The following E2F6 variants were observed in gnomAD, a reference collection of about 807,000 sequenced individuals.
E2F6 encodes E2F transcription factor 6.
In E2F6, 19 loss-of-function variants were observed where a neutral mutation model predicts 31.5. That is an observed-to-expected ratio of 0.60 (90% confidence interval 0.42 to 0.89). E2F6 has a LOEUF of 0.89. Among genes scored for constraint, E2F6 ranks in the 40% least tolerant of loss-of-function variants. E2F6 has a pLI of 0.00. For synonymous variants in E2F6, 121 were observed against 127.7 expected, an observed-to-expected ratio of 0.95 and a Z score of 0.36; for missense variants, 269 against 341.6, an observed-to-expected ratio of 0.79 and a Z score of 1.67.
chr2:11,465,202 A>G (rs986241660), intron 1 of E2F6, among the ~76,000 whole-genome samples: 15 of 151,548 alleles, frequency 9.9e-5, no homozygotes, highest in Non-Finnish European at 1.8e-4. Context: ...AAAAAGAAAA[A>G]AAAGAAAGAA....
chr2:11,455,291 A>G, intron 2 of E2F6: 1 of 1,035,774 alleles, frequency 9.7e-7, no homozygotes, highest in Non-Finnish European at 1.2e-6. Context: ...CTTTTTCTCT[A>G]CTTCCACAGC....
Position 11,465,894 on chromosome 2 carries a change from C to T in E2F6, c.-15G>A. 6.5e-7 allele frequency: 1 copy of T among 1,532,472 alleles called. No individual in the cohort carries two copies. The highest frequency in any genetic ancestry group is 8.8e-7 in the Non-Finnish European group (1 of 1,137,580). 94.9% of individuals were successfully genotyped at this position (1,532,472 alleles called of 1,614,324 possible). A position where few individuals can be genotyped will look rare whatever the true frequency, so the allele number is the denominator to read the frequency against. On this transcript the variant is annotated 5_prime_UTR_variant, in exon 1 of 7. Coordinates refer to ENST00000381525, the MANE Select transcript of E2F6 (RefSeq NM_198256.4). ...TGCTGACTCATGCTGCCCGGCCGGG[C>T]GTCCTGCTCCCCTCGCACCCCACGA...
At chr2:11,455,571 G>A (rs1021017567) in intron 2 of E2F6, 3 of 748,406 alleles carry the variant, frequency 4.0e-6, no homozygotes, top group African/African-American at 3.7e-5. Flanking sequence ...GATTACAAAT[G>A]AGAAATTCTA....
chr2:11,454,857 T>C (rs564213284), intron 2 of E2F6, among the ~76,000 whole-genome samples: 1 of 152,276 alleles, frequency 6.6e-6, no homozygotes, highest in South Asian at 2.1e-4. Flanking sequence ...TGCAACACGT[T>C]CTTTTAACTC....
chr2:11,461,923 T>C (rs915435896), intron 1 of E2F6, among the ~76,000 whole-genome samples: 6 of 152,242 alleles, frequency 3.9e-5, no homozygotes, highest in African/African-American at 1.2e-4. Context: ...ATATCACATA[T>C]AGCGTCACTA....
chr2:11,455,865 T>A (rs969621224), intron 2 of E2F6, among the ~76,000 whole-genome samples: 1 of 152,060 alleles, frequency 6.6e-6, no homozygotes, highest in Non-Finnish European at 1.5e-5. Context: ...AGGGGGAAAC[T>A]GGGAAGGCCT....
At chr2:11,459,911 G>A (rs1270496662) in intron 1 of E2F6, among the ~76,000 whole-genome samples, 2 of 152,060 alleles carry the variant, frequency 1.3e-5, no homozygotes, top group Non-Finnish European at 2.9e-5. Context: ...TAAATAGGCA[G>A]ATTGTTTGCA....
chr2:11,459,270 C>T (rs1671610767), intron 1 of E2F6, among the ~76,000 whole-genome samples: 1 of 152,126 alleles, frequency 6.6e-6, no homozygotes, highest in Non-Finnish European at 1.5e-5. Flanking sequence ...GAGGCTGCCT[C>T]GCTAGCTATG....
chr2:11,457,283 C>A (rs748048306), intron 1 of E2F6, 50 bp from the exon 2 acceptor site: 3 of 1,129,372 alleles, frequency 2.7e-6, no homozygotes, highest in Non-Finnish European at 4.0e-6. Flanking sequence ...AACAACAATG[C>A]AAACAAATAG....
In E2F6 at chr2:11,466,051, G is replaced by T; in HGVS notation, c.-172C>A. On this transcript the variant is annotated 5_prime_UTR_variant, in exon 1 of 7. Coordinates refer to ENST00000381525, the MANE Select transcript of E2F6 (RefSeq NM_198256.4). ...TAGGCCGTCCCGCCCGCCAGTAAAC[G>T]CGGCACGGCCTCACGTGCCCGGGAG... The T allele has an allele frequency of 1.8e-6, 1 of 559,884 alleles. No individual in the cohort carries two copies. Among genetic ancestry groups the T allele is most frequent in the Non-Finnish European group, 3.0e-6 (1 of 329,974 alleles). 34.7% of individuals were successfully genotyped at this position (559,884 alleles called of 1,614,324 possible).
intron 1 of E2F6, among the ~76,000 whole-genome samples, chr2:11,465,070 T>C (rs1672056684): frequency 2.0e-5 from 3 of 147,072 alleles, no homozygotes; most frequent in South Asian, 4.2e-4. Flanking sequence ...CCCAGCTACA[T>C]GGGAGGCTGA....
At chr2:11,460,152 AT>A (rs1671684952) in intron 1 of E2F6, among the ~76,000 whole-genome samples, 1 of 152,188 alleles carries the variant, frequency 6.6e-6, no homozygotes, top group Non-Finnish European at 1.5e-5. Flanking sequence ...GGAAAAAAAA[AT>A]AAAAGATGAA....
At chr2:11,465,744 C>A in intron 1 of E2F6, 28 bp downstream of exon 1, 1 of 1,560,892 alleles carries the variant, frequency 6.4e-7, no homozygotes, top group South Asian at 1.2e-5. Context: ...GAGACCACCG[C>A]CCGTCCCCGT....
chr2:11,459,648 GT>G (rs1401962264), intron 1 of E2F6, among the ~76,000 whole-genome samples: 2 of 152,090 alleles, frequency 1.3e-5, no homozygotes, highest in African/African-American at 4.8e-5. Context: ...GGGAGGCGGG[GT>G]GGGGGGAGGA....
chr2:11,458,258 A>G (rs2148353838), intron 1 of E2F6: 5 of 1,551,620 alleles, frequency 3.2e-6, no homozygotes, highest in African/African-American at 1.4e-5. Flanking sequence ...AGTACTAGGG[A>G]TACACCCAGA....
At chr2:11,455,202 A>G (rs1671332291) in intron 2 of E2F6, 2 of 649,526 alleles carry the variant, frequency 3.1e-6, no homozygotes, top group Non-Finnish European at 4.0e-6. Context: ...GATACTAAGA[A>G]AAAGTTCTTA....
intron 1 of E2F6, 151 bp from the exon 2 acceptor site, chr2:11,457,384 G>A: frequency 1.8e-6 from 1 of 570,692 alleles, no homozygotes; most frequent in Non-Finnish European, 3.1e-6. Context: ...AGCACTTTGG[G>A]AGGCCGAGGC....
At chr2:11,464,517 CAAA>C (rs559562627) in intron 1 of E2F6, among the ~76,000 whole-genome samples, 161 of 44,672 alleles carry the variant, frequency 3.6e-3, no homozygotes, top group African/African-American at 0.015. Flanking sequence ...ACTTCGTCAC[CAAA>C]AAAAAAAAAA....
chr2:11,461,501 G>A (rs1288281029), intron 1 of E2F6, among the ~76,000 whole-genome samples: 1 of 152,108 alleles, frequency 6.6e-6, no homozygotes, highest in Non-Finnish European at 1.5e-5. Context: ...ACAGGCGCAC[G>A]TCACCAAGCC....
Sources: allele counts gnomAD v4.1 joint callset (sites outside exome capture counted in the v4.1 genomes callset), GRCh38; gene constraint gnomAD v4.1.1; transcripts MANE v1.5; gene names NCBI Gene and HGNC (gene_info 2026-07-23, HGNC 2026-07-21).